Variants in SUCLG2 observed in about 807,000 individuals in gnomAD.
SUCLG2 encodes succinate--CoA ligase [GDP-forming] subunit beta, mitochondrial.
Under a neutral mutation model 47.9 loss-of-function variants are expected in SUCLG2, and 42 were observed. The observed-to-expected ratio is 0.88, with a 90% CI of 0.69 to 1.14. The LOEUF is 1.14. Ranked by LOEUF, SUCLG2 falls within the 50% of genes most tolerant of loss-of-function variation. The pLI, the probability that SUCLG2 is intolerant of heterozygous loss-of-function variation, is 0.00. For missense variants in SUCLG2, 571 were observed against 525.9 expected, an observed-to-expected ratio of 1.09 and a Z score of -0.84; for synonymous variants, 195 against 197.3, an observed-to-expected ratio of 0.99 and a Z score of 0.10.
At chr3:67,558,285 G>A (rs184927921) in intron 2 of SUCLG2, among the ~76,000 whole-genome samples, 17 of 151,050 alleles carry the variant, frequency 1.1e-4, no homozygotes, top group Admixed American at 6.6e-4. Context: ...TAGCCATATG[G>A]TGCCTCATAA....
In SUCLG2 at chr3:67,455,906, G is replaced by A. The variant is rs183717594; in HGVS notation, c.1062+39892C>T. On this transcript the variant is annotated intron_variant, in intron 9 of 10. Coordinates refer to ENST00000307227, the MANE Select transcript of SUCLG2 (RefSeq NM_003848.4). The stretch of plus-strand genomic sequence containing the variant: ...AAGGATATGTGGGGTAAGGGGCACT[G>A]TTGTGCCCAAGGCTCTTCAAATTTA... Among the ~76,000 whole-genome samples the A allele has an allele frequency of 8.1e-4, 123 of 152,294 alleles. No homozygotes were observed. In the East Asian group the frequency reaches 0.021, roughly 26 times the overall value.
At chr3:67,486,598 GC>G (rs1206848254) in intron 9 of SUCLG2, among the ~76,000 whole-genome samples, 2 of 152,026 alleles carry the variant, frequency 1.3e-5, no homozygotes, top group Non-Finnish European at 2.9e-5. Context: ...GCTTCTCATG[GC>G]CAACAGCATT....
chr3:67,484,407 T>C (rs531034937), intron 9 of SUCLG2, among the ~76,000 whole-genome samples: 26 of 152,312 alleles, frequency 1.7e-4, no homozygotes, highest in African/African-American at 5.8e-4. Context: ...ATGACTTATA[T>C]GGAAATAAAA....
chr3:67,412,000 T>C lies in SUCLG2; in HGVS notation c.1063-11149A>G, dbSNP rs377095456. On this transcript the variant is annotated intron_variant, in intron 9 of 10. Transcript: ENST00000307227. ...ATTTAATATCAGGAGGAATGGAATCTTGTAGAATTCATTCTACACTGACCA... is the reference window on the plus strand; with the variant it reads ...ATTTAATATCAGGAGGAATGGAATCCTGTAGAATTCATTCTACACTGACCA... 2.6e-5 allele frequency among the ~76,000 whole-genome samples: 4 copies of C among 152,200 alleles called. No individual in the cohort carries two copies. The East Asian group carries it at 5.8e-4, about 22-fold the overall frequency.
At chr3:67,460,861 T>C (rs376623481) in intron 9 of SUCLG2, among the ~76,000 whole-genome samples, 35 of 152,220 alleles carry the variant, frequency 2.3e-4, no homozygotes, top group African/African-American at 7.2e-4. Flanking sequence ...ACACTACCAG[T>C]TGGAGAAAAT....
At chr3:67,563,730 C>T (rs1447433722) in intron 2 of SUCLG2, among the ~76,000 whole-genome samples, 2 of 151,910 alleles carry the variant, frequency 1.3e-5, no homozygotes, top group African/African-American at 2.4e-5. Context: ...GAGGCCAAGG[C>T]GGGCAGATCA....
chr3:67,465,152 GTC>G (rs1463406214), intron 9 of SUCLG2, among the ~76,000 whole-genome samples: 1 of 152,156 alleles, frequency 6.6e-6, no homozygotes. Context: ...TCTCCAACTA[GTC>G]TCTGTTTTCT....
At chr3:67,517,596 A>T (rs1485122245) in intron 6 of SUCLG2, among the ~76,000 whole-genome samples, 1 of 152,078 alleles carries the variant, frequency 6.6e-6, no homozygotes, top group Non-Finnish European at 1.5e-5. Flanking sequence ...GACGATACTA[A>T]GACAGATTCT....
chr3:67,400,711 G>A lies in SUCLG2; in HGVS notation c.1183+20C>T, dbSNP rs140259546. Reference sequence around the variant, plus strand: ...CTTGGAGAAGGGGTGCTGGCACAGCGGAAATCTACCATGACTCACCTTCAA... The same window carrying A: ...CTTGGAGAAGGGGTGCTGGCACAGCAGAAATCTACCATGACTCACCTTCAA... On this transcript the variant is annotated intron_variant, in intron 10 of 10. Transcript: ENST00000307227. 1.6e-4 allele frequency: 255 copies of A among 1,608,810 alleles called. 2 individuals carry two copies. In the Admixed American group the frequency reaches 3.4e-3, roughly 21 times the overall value.
intron 10 of SUCLG2, among the ~76,000 whole-genome samples, chr3:67,385,683 G>T (rs550199343): frequency 6.6e-6 from 1 of 152,334 alleles, no homozygotes; most frequent in African/African-American, 2.4e-5. Context: ...CTAATTCTGG[G>T]GCTTAGAGTA....
chr3:67,584,807 C>T (rs1302863354), intron 2 of SUCLG2, among the ~76,000 whole-genome samples: 1 of 152,184 alleles, frequency 6.6e-6, no homozygotes, highest in Non-Finnish European at 1.5e-5. Flanking sequence ...GGGGAAGTGC[C>T]GGGCAAAGCA....
intron 2 of SUCLG2, among the ~76,000 whole-genome samples, chr3:67,555,474 G>A (rs1707134017): frequency 6.6e-6 from 1 of 152,090 alleles, no homozygotes; most frequent in African/African-American, 2.4e-5. Context: ...ACAAACAAGT[G>A]CCCAGATCTT....
At chr3:67,396,905 GA>G in intron 10 of SUCLG2, among the ~76,000 whole-genome samples, 1 of 152,122 alleles carries the variant, frequency 6.6e-6, no homozygotes, top group Middle Eastern at 3.4e-3. Flanking sequence ...CATATAAACA[GA>G]ACCAAAGACA....
At chr3:67,600,557 G>A (rs1303682831) in intron 2 of SUCLG2, among the ~76,000 whole-genome samples, 5 of 152,208 alleles carry the variant, frequency 3.3e-5, no homozygotes, top group African/African-American at 1.2e-4. Flanking sequence ...AAGCCTTGAA[G>A]CAAAGAGACA....
intron 10 of SUCLG2, among the ~76,000 whole-genome samples, chr3:67,391,843 T>C (rs1457661601): frequency 1.3e-5 from 2 of 152,174 alleles, no homozygotes; most frequent in Non-Finnish European, 1.5e-5. Flanking sequence ...CCGCTGCTCG[T>C]TTCCAACGTG....
At chr3:67,561,501 C>T (rs1707306642) in intron 2 of SUCLG2, among the ~76,000 whole-genome samples, 1 of 152,148 alleles carries the variant, frequency 6.6e-6, no homozygotes, top group Non-Finnish European at 1.5e-5. Flanking sequence ...TTAGCAACAG[C>T]AGCCCCCTAC....
chr3:67,622,562 T>G (rs1179950688), intron 1 of SUCLG2, among the ~76,000 whole-genome samples: 1 of 152,224 alleles, frequency 6.6e-6, no homozygotes, highest in East Asian at 1.9e-4. Context: ...GATATTAATC[T>G]CTATACGCTG....
rs574389537 is a variant in SUCLG2, at chr3:67,421,389, A to T, written c.1063-20538T>A. 2.0e-5 allele frequency among the ~76,000 whole-genome samples: 3 copies of T among 152,276 alleles called. No individual in the cohort carries two copies. In the East Asian group the frequency reaches 5.8e-4, roughly 29 times the overall value. The stretch of plus-strand genomic sequence containing the variant: ...TCCTCTCTCAGCAAAAAAACAATCA[A>T]AGAAGCAGGGATGCATAACATTTCA... On this transcript the variant is annotated intron_variant, in intron 9 of 10. Transcript: ENST00000307227.
intron 10 of SUCLG2, among the ~76,000 whole-genome samples, chr3:67,382,467 G>A (rs1252286713): frequency 6.6e-6 from 1 of 152,186 alleles, no homozygotes; most frequent in Admixed American, 6.5e-5. Context: ...AGTTAACCCT[G>A]ACAGGTCTGA....
Sources: allele counts gnomAD v4.1 joint callset (sites outside exome capture counted in the v4.1 genomes callset), GRCh38; gene constraint gnomAD v4.1.1; transcripts MANE v1.5; gene names NCBI Gene and HGNC (gene_info 2026-07-23, HGNC 2026-07-21).